The following LDLRAD4 variants were observed in gnomAD, a reference collection of about 807,000 sequenced individuals.
LDLRAD4 encodes the protein low density lipoprotein receptor class A domain containing 4.
LDLRAD4 carries 5 observed loss-of-function variants against 17.0 expected under a neutral mutation model. That is an observed-to-expected ratio of 0.29 (90% CI 0.15 to 0.62). The LOEUF (loss-of-function observed/expected upper bound fraction) is 0.62, where lower values mean the gene tolerates loss of function less well. Ranked by LOEUF, LDLRAD4 falls within the 20% of genes least tolerant of loss-of-function variation. LDLRAD4 has a pLI of 0.84. For missense variants in LDLRAD4, 340 were observed against 424.7 expected (o/e 0.80, Z 1.75); for synonymous variants, 168 against 171.8 (o/e 0.98, Z 0.17).
intron 1 of LDLRAD4, among the ~76,000 whole-genome samples, chr18:13,226,217 C>T (rs921723753): frequency 2.2e-4 from 12 of 54,344 alleles, no homozygotes; most frequent in Non-Finnish European, 3.4e-4. Context: ...GACCGGGTTT[C>T]GCCATGTTGC....
At chr18:13,239,256 G>C (rs2042503961) in intron 1 of LDLRAD4, among the ~76,000 whole-genome samples, 1 of 151,892 alleles carries the variant, frequency 6.6e-6, no homozygotes, top group Non-Finnish European at 1.5e-5. Flanking sequence ...CATGAAGCCT[G>C]CGGTTGGAGG....
chr18:13,301,359 G>T lies in LDLRAD4; in HGVS notation c.-383+23171G>T, dbSNP rs577012542. On this transcript the variant is annotated intron_variant, in intron 1 of 5. Coordinates refer to ENST00000359446, the Ensembl canonical transcript of LDLRAD4. ...GGAGACTTCCCGCTGGACCATTCTC[G>T]AACTTGAGAGTGGAGTAGAGGGTGC... 9.3e-5 allele frequency among the ~76,000 whole-genome samples: 14 copies of T among 150,190 alleles called. No individual in the cohort carries two copies. The East Asian group carries it at 2.8e-3, about 30-fold the overall frequency.
intron 2 of LDLRAD4, among the ~76,000 whole-genome samples, chr18:13,403,109 C>T (rs1048584535): frequency 1.3e-5 from 2 of 152,240 alleles, no homozygotes; most frequent in Non-Finnish European, 2.9e-5. Flanking sequence ...CCTAAAACAA[C>T]ATGAAGAGGA....
At chr18:13,491,967 G>A (rs2093367242) in intron 3 of LDLRAD4, among the ~76,000 whole-genome samples, 1 of 152,174 alleles carries the variant, frequency 6.6e-6, no homozygotes. Context: ...ATGACTATGA[G>A]GCTGACTTTA....
chr18:13,565,841 C>T (rs1003012408), intron 3 of LDLRAD4, among the ~76,000 whole-genome samples: 4 of 152,178 alleles, frequency 2.6e-5, no homozygotes, highest in East Asian at 3.9e-4. Context: ...ACATTTTGGA[C>T]GGGGCCTTAA....
chr18:13,540,554 G>T (rs1334517533), intron 3 of LDLRAD4, among the ~76,000 whole-genome samples: 2 of 152,160 alleles, frequency 1.3e-5, no homozygotes, highest in East Asian at 1.9e-4. Flanking sequence ...TATGCTGGGG[G>T]TTGTTAAATA....
rs541978527 is a variant in LDLRAD4 at position 13,531,818 on chromosome 18, G to C, written c.182-89299G>C. Among the ~76,000 whole-genome samples the C allele has an allele frequency of 2.7e-3, 418 of 152,284 alleles. 3 individuals are homozygous for C. The highest frequency in any genetic ancestry group is 9.2e-3 in the African/African-American group (382 of 41,558). ...TGGGGTTGTGCTGGCCTCAGAGACA[G>C]TGGAGGGGGTGAGGGTCCTCTGAGG... On this transcript the variant is annotated intron_variant, in intron 3 of 5. Coordinates refer to ENST00000359446, the Ensembl canonical transcript of LDLRAD4.
At chr18:13,591,887 T>C (rs563683788) in intron 3 of LDLRAD4, among the ~76,000 whole-genome samples, 3 of 152,194 alleles carry the variant, frequency 2.0e-5, no homozygotes, top group Non-Finnish European at 4.4e-5. Context: ...TTAGGGCATT[T>C]GGGGGTAATT....
intron 3 of LDLRAD4, among the ~76,000 whole-genome samples, chr18:13,602,582 T>C (rs1043592567): frequency 8.6e-5 from 12 of 139,382 alleles, no homozygotes; most frequent in Non-Finnish European, 1.5e-4. Flanking sequence ...CATTGCAACC[T>C]CCGCCTCCCG....
chr18:13,272,906 G>A (rs1027547186), intron 1 of LDLRAD4, among the ~76,000 whole-genome samples: 4 of 152,194 alleles, frequency 2.6e-5, no homozygotes, highest in African/African-American at 9.7e-5. Context: ...CGCACCTATG[G>A]TCAGTCTGTC....
rs145297049 is a variant in LDLRAD4 at position 13,501,609 on chromosome 18, G to A, written c.181+63225G>A. Among the ~76,000 whole-genome samples, 3 of 151,872 alleles carry A rather than the reference G, an allele frequency of 2.0e-5. No individual in the cohort carries two copies. The East Asian group carries it at 5.8e-4, about 29-fold the overall frequency. On this transcript the variant is annotated intron_variant, in intron 3 of 5. Coordinates refer to ENST00000359446, the Ensembl canonical transcript of LDLRAD4. ...CTTTTTTTTTTTGCAGAATCTTGTAGGGTGTGTTGTGAAAAGTCTGCCAGC... is the reference window on the plus strand; with the variant it reads ...CTTTTTTTTTTTGCAGAATCTTGTAAGGTGTGTTGTGAAAAGTCTGCCAGC...
intron 3 of LDLRAD4, among the ~76,000 whole-genome samples, chr18:13,507,531 A>T (rs758065711): frequency 6.6e-6 from 1 of 152,242 alleles, no homozygotes; most frequent in Non-Finnish European, 1.5e-5. Flanking sequence ...CATGGTGTGT[A>T]TATCTACCAC....
chr18:13,621,301 G>T lies in LDLRAD4; in HGVS notation c.336+30G>T. ...GTACCCTGGCCGCCCCGGCTCCAGA[G>T]TCAGGCAGCTGCAAGAGGCTTAGGA... On this transcript the variant is annotated intron_variant, in intron 4 of 5. Coordinates refer to ENST00000359446, the Ensembl canonical transcript of LDLRAD4. The surrounding 1 kb of genome is among the most constrained non-coding windows in gnomAD (Gnocchi z 5.5). The T allele has an allele frequency of 6.4e-7, 1 of 1,574,590 alleles. No individual in the cohort carries two copies.
chr18:13,358,256 G>C (rs1359937560), intron 1 of LDLRAD4, among the ~76,000 whole-genome samples: 9 of 152,030 alleles, frequency 5.9e-5, no homozygotes, highest in Non-Finnish European at 7.4e-5. Flanking sequence ...AGGGATGTAT[G>C]TGTGTGTGTA....
intron 4 of LDLRAD4, among the ~76,000 whole-genome samples, chr18:13,632,721 C>T (rs1568433078): frequency 6.6e-6 from 1 of 152,252 alleles, no homozygotes. Flanking sequence ...TCCCACCATT[C>T]GGCCAGTCAC....
At chr18:13,261,551 TG>T (rs1369255788) in intron 1 of LDLRAD4, among the ~76,000 whole-genome samples, 5 of 152,184 alleles carry the variant, frequency 3.3e-5, no homozygotes, top group Non-Finnish European at 5.9e-5. Context: ...TCAGAACCTT[TG>T]GGGGTTGTAT....
At chr18:13,386,923 GATA>G (rs2085864446) in intron 1 of LDLRAD4, among the ~76,000 whole-genome samples, 1 of 48,620 alleles carries the variant, frequency 2.1e-5, no homozygotes, top group African/African-American at 5.3e-5. Context: ...TAGATAGATA[GATA>G]GATAGATAGA....
chr18:13,451,473 T>G (rs2091833057), intron 3 of LDLRAD4, among the ~76,000 whole-genome samples: 1 of 152,166 alleles, frequency 6.6e-6, no homozygotes, highest in Non-Finnish European at 1.5e-5. Flanking sequence ...TCCCTGAGGC[T>G]CCCTGGAAGC....
intron 1 of LDLRAD4, among the ~76,000 whole-genome samples, chr18:13,329,357 G>C (rs111557918): frequency 0.016 from 2,428 of 152,058 alleles, 32 homozygotes; most frequent in African/African-American, 0.044. Flanking sequence ...AGCCTACTAG[G>C]AAAAAAAGTA....
Sources: allele counts gnomAD v4.1 joint callset (sites outside exome capture counted in the v4.1 genomes callset), GRCh38; gene constraint gnomAD v4.1.1; non-coding constraint Gnocchi (gnomAD v3.1); transcripts MANE v1.5; gene names NCBI Gene and HGNC (gene_info 2026-07-23, HGNC 2026-07-21).